Variants in UGT1A9 observed in about 807,000 individuals in gnomAD.
The protein encoded by UGT1A9 is UDP glucuronosyltransferase family 1 member A9.
Under a neutral mutation model 45.0 loss-of-function variants are expected in UGT1A9, and 35 were observed. The observed-to-expected ratio is 0.78, with a 90% CI of 0.59 to 1.03. The LOEUF (loss-of-function observed/expected upper bound fraction) is 1.03, where lower values mean the gene tolerates loss of function less well. Ranked by LOEUF, UGT1A9 falls within the 50% of genes least tolerant of loss-of-function variation. UGT1A9 has a pLI of 0.00. For synonymous variants in UGT1A9, 278 were observed against 250.6 expected, an observed-to-expected ratio of 1.11 and a Z score of -1.03; for missense variants, 687 against 666.6, an observed-to-expected ratio of 1.03 and a Z score of -0.34.
intron 1 of UGT1A9, among the ~76,000 whole-genome samples, chr2:233,687,334 T>C (rs1410499598): frequency 6.6e-6 from 1 of 152,168 alleles, no homozygotes; most frequent in East Asian, 1.9e-4. Context: ...TTCCCTTGAA[T>C]GATTTAAACT....
In UGT1A9 at chr2:233,760,233, CAT is replaced by C. The variant is rs3064744; in HGVS notation, c.856-6787_856-6786del. ...ACTTGGTGTATCGATTGGTTTTTGCCATATATATATATATAAGTAGGAGAGGG... is the reference window on the plus strand; with the variant it reads ...ACTTGGTGTATCGATTGGTTTTTGCCATATATATATATAAGTAGGAGAGGG... On this transcript the variant is annotated intron_variant, in intron 1 of 4. Coordinates refer to ENST00000354728, the MANE Select transcript of UGT1A9 (RefSeq NM_021027.3). 6.6e-3 allele frequency: 9,509 copies of C among 1,449,924 alleles called. 210 individuals carry two copies. The African/African-American group carries it at 0.077, about 12-fold the overall frequency. The allele number at this position is 1,449,924 out of a possible 1,614,324, so 89.8% of individuals were successfully genotyped here.
chr2:233,726,214 T>C (rs560651171), intron 1 of UGT1A9, among the ~76,000 whole-genome samples: 20 of 152,276 alleles, frequency 1.3e-4, no homozygotes, highest in Non-Finnish European at 2.5e-4. Context: ...TTAAAAAGTT[T>C]AGAAAACATT....
rs28898591 is a variant in UGT1A9 at position 233,711,285 on chromosome 2, G to A, written c.855+38496G>A. The stretch of plus-strand genomic sequence containing the variant: ...TCCCCAGGGTCTAGGAGTCCTAGAC[G>A]TGGGAGTAGAAATTAGATGACATTG... On this transcript the variant is annotated intron_variant, in intron 1 of 4. Transcript: ENST00000354728. Among the ~76,000 whole-genome samples, 371 of 152,324 alleles carry A rather than the reference G, an allele frequency of 2.4e-3. 1 individual carries two copies. The highest frequency in any genetic ancestry group is 8.6e-3 in the African/African-American group (359 of 41,568).
At position 233,747,622 on chromosome 2, in the gene UGT1A9, T is replaced by C. The variant is rs1257068913; in HGVS notation, c.856-19412T>C. On this transcript the variant is annotated intron_variant, in intron 1 of 4. Coordinates refer to ENST00000354728, the MANE Select transcript of UGT1A9 (RefSeq NM_021027.3). ...GTGGAGCTACTGCATAATGAGGCCC[T>C]GATCAGGCACCTGAATGCTACTTCC... The C allele has an allele frequency of 4.4e-6, 7 of 1,577,454 alleles. No individual in the cohort carries two copies. The African/African-American group carries it at 8.2e-5, about 18-fold the overall frequency.
chr2:233,711,855 C>A (rs922425010), intron 1 of UGT1A9, among the ~76,000 whole-genome samples: 2 of 152,178 alleles, frequency 1.3e-5, no homozygotes, highest in Non-Finnish European at 2.9e-5. Flanking sequence ...TTGCCAAGCA[C>A]AAGTATGAGT....
chr2:233,712,815 C>G (rs2076256798), intron 1 of UGT1A9, among the ~76,000 whole-genome samples: 1 of 152,128 alleles, frequency 6.6e-6, no homozygotes, highest in Admixed American at 6.5e-5. Context: ...AGGGTGGGGC[C>G]CATAATGCAA....
rs1348255979 is a variant in UGT1A9, at chr2:233,672,317, T to C, written c.383T>C (p.Phe128Ser). 6.2e-7 allele frequency: 1 copy of C among 1,614,102 alleles called. No individual in the cohort carries two copies. Among genetic ancestry groups the C allele is most frequent in the East Asian group, 2.2e-5 (1 of 44,894 alleles). ...TTTTTTTCAAATTGCAGGAGTTTGT[T>C]TAAAGACAAAAAATTAGTAGAATAC... ...DLFFSNCRSL[F>S]KDKKLVEYLK... Residue 128 changes from phenylalanine (F) to serine (S), a missense_variant, in exon 1 of 5, where the codon TTT becomes TCT. By Grantham distance (155) the Phe-to-Ser change is radical. Transcript: ENST00000354728.
At chr2:233,692,743 A>G in intron 1 of UGT1A9, 1 of 1,050,164 alleles carries the variant, frequency 9.5e-7, no homozygotes, top group Non-Finnish European at 1.3e-6. Context: ...GAGAGGGAGA[A>G]GCAGACTTGT....
intron 1 of UGT1A9, chr2:233,692,407 AT>A (rs1286270347): frequency 6.4e-6 from 1 of 155,608 alleles, no homozygotes; most frequent in Non-Finnish European, 1.4e-5. Context: ...TGAACCTCTG[AT>A]TTTTGCCAAG....
chr2:233,727,725 C>CT (rs2077642996), intron 1 of UGT1A9, among the ~76,000 whole-genome samples: 1 of 152,230 alleles, frequency 6.6e-6, no homozygotes, highest in South Asian at 2.1e-4. Context: ...GCAGACCTTC[C>CT]TTTTCTGTGC....
chr2:233,762,804 C>T (rs1698168354), intron 1 of UGT1A9, among the ~76,000 whole-genome samples: 1 of 151,574 alleles, frequency 6.6e-6, no homozygotes, highest in African/African-American at 2.4e-5. Context: ...TCAGCTATCT[C>T]ATCAAAATAT....
chr2:233,735,900 C>T (rs1272408320), intron 1 of UGT1A9, among the ~76,000 whole-genome samples: 5 of 152,014 alleles, frequency 3.3e-5, no homozygotes, highest in African/African-American at 9.7e-5. Flanking sequence ...GATGGGCTTC[C>T]CTTTGTGGGT....
chr2:233,771,328 C>G (rs11888492), intron 4 of UGT1A9: 27,690 of 151,958 alleles, frequency 0.18, 3,662 homozygotes, highest in African/African-American at 0.37. Flanking sequence ...CTTCAATCTC[C>G]TCTTCATTCC....
chr2:233,767,313 T>G, intron 2 of UGT1A9, 148 bp downstream of exon 2: 1 of 1,512,132 alleles, frequency 6.6e-7, no homozygotes, highest in Non-Finnish European at 8.8e-7. Flanking sequence ...AGGTTTTTTT[T>G]GTTGTTGTGG....
At chr2:233,725,264 GGAGGCAGAGGCAGAGGCA>G (rs551912265) in intron 1 of UGT1A9, among the ~76,000 whole-genome samples, 25,828 of 58,216 alleles carry the variant, frequency 0.44, 8,681 homozygotes, top group East Asian at 0.63. Context: ...CAGAGGCAGA[GGAGGCAGAGGCAGAGGCA>G]GAGGCAGAGG....
chr2:233,720,719 T>G (rs77826548), intron 1 of UGT1A9, among the ~76,000 whole-genome samples: 1 of 151,710 alleles, frequency 6.6e-6, no homozygotes, highest in African/African-American at 2.4e-5. Flanking sequence ...TTTTTTTTTT[T>G]TCTTGAGACT....
intron 1 of UGT1A9, chr2:233,719,408 G>C (rs762624701): frequency 6.2e-7 from 1 of 1,613,826 alleles, no homozygotes. Flanking sequence ...ATATTCCTAA[G>C]TTACTAACGA....
At chr2:233,739,410 G>A (rs1691084493) in intron 1 of UGT1A9, among the ~76,000 whole-genome samples, 1 of 152,204 alleles carries the variant, frequency 6.6e-6, no homozygotes, top group Non-Finnish European at 1.5e-5. Flanking sequence ...GCCACCCTCT[G>A]AAAGCAGCCA....
At chr2:233,695,257 C>T (rs1220759210) in intron 1 of UGT1A9, among the ~76,000 whole-genome samples, 1 of 151,850 alleles carries the variant, frequency 6.6e-6, no homozygotes, top group African/African-American at 2.4e-5. Flanking sequence ...TCCTGAGTAG[C>T]TGGGACTATA....
Sources: allele counts gnomAD v4.1 joint callset (sites outside exome capture counted in the v4.1 genomes callset), GRCh38; gene constraint gnomAD v4.1.1; transcripts MANE v1.5; gene names NCBI Gene and HGNC (gene_info 2026-07-23, HGNC 2026-07-21).